FNBP1: variants seen among roughly 807,000 people sequenced by gnomAD.
The protein encoded by FNBP1 is formin binding protein 1, also known as formin-binding protein 1.
FNBP1 carries 26 observed loss-of-function variants against 90.6 expected under a neutral mutation model. The ratio of observed to expected loss-of-function variants is 0.29; its 90% CI spans 0.21 to 0.40. The LOEUF is 0.40. Among genes scored for constraint, FNBP1 ranks in the 10% least tolerant of loss-of-function variants. The pLI is 1.00. For synonymous variants in FNBP1, 260 were observed against 265.2 expected (o/e 0.98, Z 0.19); for missense variants, 635 against 768.0 (o/e 0.83, Z 2.05).
intron 2 of FNBP1, among the ~76,000 whole-genome samples, chr9:129,983,630 G>A (rs1023624577): frequency 6.6e-6 from 1 of 152,144 alleles, no homozygotes; most frequent in African/African-American, 2.4e-5. Context: ...GGCCAACATG[G>A]TGAAACCCCA....
chr9:130,046,969 A>G (rs975760800), upstream of FNBP1, among the ~76,000 whole-genome samples: 115 of 152,188 alleles, frequency 7.6e-4, no homozygotes, highest in African/African-American at 2.6e-3. Flanking sequence ...TGATTTATAA[A>G]CAGTTCGTCA....
intron 4 of FNBP1, among the ~76,000 whole-genome samples, chr9:129,973,402 G>C (rs1041928678): frequency 6.6e-6 from 1 of 152,236 alleles, no homozygotes; most frequent in Non-Finnish European, 1.5e-5. Context: ...ACTAAGTCAA[G>C]TCAGGGTAGC....
intron 1 of FNBP1, among the ~76,000 whole-genome samples, chr9:130,001,973 A>AACTGAGATCGCGCCACTGC (rs1428725345): frequency 2.7e-5 from 4 of 149,534 alleles, no homozygotes; most frequent in African/African-American, 9.9e-5. Context: ...GGTTGCAATG[A>AACTGAGATCGCGCCACTGC]ACTGAGATCG....
intron 4 of FNBP1, among the ~76,000 whole-genome samples, chr9:129,969,475 G>A (rs897031984): frequency 3.9e-5 from 6 of 152,120 alleles, no homozygotes. Flanking sequence ...TCAAAAACTG[G>A]TAATACCCTA....
the FNBP1 span, among the ~76,000 whole-genome samples, chr9:130,053,156 A>G: frequency 6.6e-6 from 1 of 152,182 alleles, no homozygotes; most frequent in Admixed American, 6.5e-5. Flanking sequence ...AGAAGCAAAG[A>G]AAGTTTCCAT....
chr9:129,899,833 TAGGA>T (rs773228677), intron 15 of FNBP1, 128 bp downstream of exon 15: 354 of 667,994 alleles, frequency 5.3e-4, no homozygotes, highest in East Asian at 1.6e-3. Context: ...GAAGGGAAGG[TAGGA>T]AGGAAGGAAG....
intron 4 of FNBP1, among the ~76,000 whole-genome samples, chr9:129,975,470 C>CCTATAATTTATTCCATAAATTA (rs1393968913): frequency 1.3e-5 from 2 of 152,130 alleles, no homozygotes; most frequent in African/African-American, 4.8e-5. Flanking sequence ...ATCTGTACCA[C>CCTATAATTTATTCCATAAATTA]CTATAATTTA....
chr9:129,915,001 G>T, intron 11 of FNBP1: 2 of 359,620 alleles, frequency 5.6e-6, no homozygotes, highest in Non-Finnish European at 5.9e-6. Flanking sequence ...TGATTAGTTT[G>T]ACTGTTGACT....
At position 130,041,204 on chromosome 9, in the gene FNBP1, T is replaced by C. The variant is rs1369142389; in HGVS notation, c.24+1748A>G. Among the ~76,000 whole-genome samples the C allele has an allele frequency of 1.3e-5, 2 of 152,126 alleles. No individual in the cohort carries two copies. The highest frequency in any genetic ancestry group is 4.8e-5 in the African/African-American group (2 of 41,422). ...CCACTTCTGCACCCTCAAAAAGAAA[T>C]GTACAGAATAATGCAAGCAATTGCC... is the stretch of plus-strand genomic sequence containing the variant. On this transcript the variant is annotated intron_variant, in intron 1 of 16. Transcript: ENST00000446176. The surrounding 1 kb of genome is among the most constrained non-coding windows in gnomAD (Gnocchi z 4.3).
intron 4 of FNBP1, among the ~76,000 whole-genome samples, chr9:129,975,884 C>T (rs1196139696): frequency 9.2e-6 from 1 of 108,682 alleles, no homozygotes; most frequent in Non-Finnish European, 1.7e-5. Context: ...GTCTGGGCAA[C>T]ACAGTGAGAC....
chr9:130,018,602 C>T (rs2057494298), intron 1 of FNBP1, among the ~76,000 whole-genome samples: 2 of 151,996 alleles, frequency 1.3e-5, no homozygotes, highest in South Asian at 4.1e-4. Flanking sequence ...CTCACTCTGT[C>T]ACCCAGGCTG....
chr9:129,926,909 A>G (rs2042008645), intron 8 of FNBP1, among the ~76,000 whole-genome samples: 1 of 151,866 alleles, frequency 6.6e-6, no homozygotes, highest in South Asian at 2.1e-4. Flanking sequence ...AAAAAAGAAA[A>G]AGAAAAAGAA....
intron 1 of FNBP1, among the ~76,000 whole-genome samples, chr9:130,039,867 A>G (rs1019892575): frequency 1.2e-4 from 19 of 152,128 alleles, no homozygotes; most frequent in African/African-American, 4.6e-4. Flanking sequence ...TGAAGTCCTA[A>G]AATGTATGTA....
intron 12 of FNBP1, among the ~76,000 whole-genome samples, chr9:129,905,764 G>A (rs1367729988): frequency 6.6e-6 from 1 of 152,058 alleles, no homozygotes; most frequent in East Asian, 1.9e-4. Context: ...GTGGCTTTAA[G>A]GACATCCCAC....
chr9:129,902,998 A>G lies in FNBP1; in HGVS notation c.1299T>C (p.Asp433=). Reference sequence around the variant, plus strand: ...AGACATCTTTCATTTTTGTTATGGCATCTCTGAAAGAAAGAACGAGTAGAA... The same window carrying G: ...AGACATCTTTCATTTTTGTTATGGCGTCTCTGAAAGAAAGAACGAGTAGAA... ...KEIQKEMDQR[D]AITKMKDVYL... Residue 433 remains aspartate, a synonymous_variant, in exon 13 of 17, where the codon GAT becomes GAC. Coordinates refer to ENST00000446176, the MANE Select transcript of FNBP1 (RefSeq NM_015033.3). 1 of 1,572,546 alleles carries G rather than the reference A, an allele frequency of 6.4e-7. No individual in the cohort carries two copies. Among genetic ancestry groups the G allele is most frequent in the South Asian group, 1.2e-5 (1 of 86,476 alleles).
Position 129,915,915 on chromosome 9 carries a change from C to T in FNBP1, c.1185+51G>A, listed in dbSNP as rs559745530. On this transcript the variant is annotated intron_variant, in intron 11 of 16. Coordinates refer to ENST00000446176, the MANE Select transcript of FNBP1 (RefSeq NM_015033.3). ...CATGGCATAGCATTCATAAAAGACACGCCAGAAAACCTGATTAGACTCAGG... is the reference window on the plus strand; with the variant it reads ...CATGGCATAGCATTCATAAAAGACATGCCAGAAAACCTGATTAGACTCAGG... 7 of 1,404,496 alleles carry T rather than the reference C, an allele frequency of 5.0e-6. No homozygotes were observed. The African/African-American group carries it at 5.7e-5, about 11-fold the overall frequency. The allele number at this position is 1,404,496 out of a possible 1,614,324, so 87.0% of individuals were successfully genotyped here. A position where few individuals can be genotyped will look rare whatever the true frequency, so the allele number is the denominator to read the frequency against.
At chr9:130,043,731 TAGGGAA>T (rs2060016924), upstream of FNBP1, among the ~76,000 whole-genome samples, 1 of 152,166 alleles carries the variant, frequency 6.6e-6, no homozygotes, top group African/African-American at 2.4e-5. Context: ...CTCGAGTGGC[TAGGGAA>T]AGAATCCAGG....
rs1343994434 is a variant in FNBP1, at chr9:129,965,138, A to G, written c.346-6585T>C. On this transcript the variant is annotated intron_variant, in intron 4 of 16. Transcript: ENST00000446176. ...TGAGCTAGAACTCTAAGCGGCGTGG[A>G]TATTTCTATGGACCATGTGGCGTAA... Among the ~76,000 whole-genome samples the G allele has an allele frequency of 3.9e-5, 6 of 152,240 alleles. No homozygotes were observed. The South Asian group carries it at 1.0e-3, about 26-fold the overall frequency.
intron 2 of FNBP1, among the ~76,000 whole-genome samples, chr9:129,979,885 T>C (rs2050919561): frequency 6.6e-6 from 1 of 151,402 alleles, no homozygotes; most frequent in South Asian, 2.1e-4. Context: ...TCAAATGATC[T>C]GCCTGCCTTG....
Sources: allele counts gnomAD v4.1 joint callset (sites outside exome capture counted in the v4.1 genomes callset), GRCh38; gene constraint gnomAD v4.1.1; non-coding constraint Gnocchi (gnomAD v3.1); transcripts MANE v1.5; gene names NCBI Gene and HGNC (gene_info 2026-07-23, HGNC 2026-07-21).